Variants in FLNB observed in about 807,000 individuals in gnomAD.
The protein encoded by FLNB is filamin B, also known as filamin-B.
A neutral mutation model predicts 250.6 loss-of-function variants in FLNB; 111 were observed. The ratio of observed to expected loss-of-function variants is 0.44; its 90% CI spans 0.38 to 0.52. The LOEUF is 0.52. Among genes scored for constraint, FLNB ranks in the 20% least tolerant of loss-of-function variants. The pLI is 0.00. For missense variants in FLNB, 2,869 were observed against 3,447.8 expected (o/e 0.83, Z 4.20); for synonymous variants, 1,302 against 1,372.1 (o/e 0.95, Z 1.13).
At chr3:58,096,951 G>T (rs1486676402) in intron 6 of FLNB, among the ~76,000 whole-genome samples, 1 of 152,178 alleles carries the variant, frequency 6.6e-6, no homozygotes, top group Non-Finnish European at 1.5e-5. Flanking sequence ...GAAATGATAG[G>T]GATTGAGGCC....
chr3:58,045,373 A>G (rs1001466051), intron 1 of FLNB, among the ~76,000 whole-genome samples: 30 of 152,300 alleles, frequency 2.0e-4, no homozygotes, highest in African/African-American at 7.2e-4. Flanking sequence ...AGCCTGTCCA[A>G]CCCACAGACT....
rs780463201 is a variant in FLNB at position 58,102,209 on chromosome 3, A to G, written c.1352A>G (p.Asn451Ser). The G allele has an allele frequency of 7.4e-6, 12 of 1,614,116 alleles. No homozygotes were observed. The highest frequency in any genetic ancestry group is 1.3e-5 in the African/African-American group (1 of 74,942). The change falls in exon 9 of 46, where the codon AAT (asparagine) becomes AGT (serine). Residue 451 changes from asparagine to serine, a missense_variant. Asn to Ser is a conservative substitution (Grantham distance 46, BLOSUM62 1). Transcript: ENST00000295956. ...GTCAAAACTGTGCTTGCAGCCTGCA[A>G]TCCAAATGCCTGCCGGGCCAGTGGC... The part of the protein sequence containing the change: ...PFVVQVGEAC[N>S]PNACRASGRG...
At chr3:58,166,996 C>T (rs1423136556) in intron 43 of FLNB, among the ~76,000 whole-genome samples, 1 of 151,892 alleles carries the variant, frequency 6.6e-6, no homozygotes, top group African/African-American at 2.4e-5. Context: ...GGCATGGTGG[C>T]GAGTGCCTGT....
chr3:58,133,880 C>T (rs1198433902), intron 26 of FLNB, among the ~76,000 whole-genome samples: 1 of 151,986 alleles, frequency 6.6e-6, no homozygotes, highest in Non-Finnish European at 1.5e-5. Flanking sequence ...CCATATGAAG[C>T]ATACTATAGA....
At position 58,102,246 on chromosome 3, in the gene FLNB, A is replaced by C; in HGVS notation, c.1389A>C (p.Gln463His). The C allele has an allele frequency of 1.9e-6, 3 of 1,614,222 alleles. No homozygotes were observed. In the South Asian group the frequency reaches 3.3e-5, roughly 18 times the overall value. The change falls in exon 9 of 46, where the codon CAA becomes CAC. Residue 463 changes from glutamine (Q) to histidine (H), a missense_variant. Gln to His is a conservative substitution (Grantham distance 24, BLOSUM62 0). This residue lies in a region of FLNB where 1,348 missense variants were observed against 1,466.7 expected (regional missense o/e 0.92). Coordinates refer to ENST00000295956, the MANE Select transcript of FLNB (RefSeq NM_001457.4). ...NACRASGRGL[Q>H]PKGVRIRETT... ...GCCGGGCCAGTGGCCGAGGCCTACA[A>C]CCCAAAGGCGTCCGTATCCGGGAGA...
intron 12 of FLNB, among the ~76,000 whole-genome samples, chr3:58,107,211 A>G (rs2097261123): frequency 6.6e-6 from 1 of 152,086 alleles, no homozygotes; most frequent in Non-Finnish European, 1.5e-5. Flanking sequence ...TGTATTGTTT[A>G]GTAGAGATGG....
intron 1 of FLNB, among the ~76,000 whole-genome samples, chr3:58,054,805 G>C (rs1363491207): frequency 6.6e-6 from 1 of 152,050 alleles, no homozygotes; most frequent in Non-Finnish European, 1.5e-5. Flanking sequence ...TGTGTAGGTG[G>C]GAAAACTATG....
intron 1 of FLNB, among the ~76,000 whole-genome samples, chr3:58,031,147 T>C (rs2097130294): frequency 6.6e-6 from 1 of 152,210 alleles, no homozygotes; most frequent in Non-Finnish European, 1.5e-5. Context: ...CAACTCTTTG[T>C]AGTGTTTTAT....
chr3:58,101,726 A>G (rs903205762), intron 8 of FLNB, among the ~76,000 whole-genome samples: 2 of 152,214 alleles, frequency 1.3e-5, no homozygotes, highest in Non-Finnish European at 2.9e-5. Flanking sequence ...CAGGCGGAAG[A>G]CAACAACATT....
At chr3:58,053,422 A>T (rs2097165598) in intron 1 of FLNB, among the ~76,000 whole-genome samples, 1 of 152,216 alleles carries the variant, frequency 6.6e-6, no homozygotes, top group South Asian at 2.1e-4. Context: ...ATTCATAGCC[A>T]AATCATTTTT....
At position 58,060,447 on chromosome 3, in the gene FLNB, G is replaced by C. The variant is rs147741156; in HGVS notation, c.293-16599G>C. On this transcript the variant is annotated intron_variant, in intron 1 of 45. Transcript: ENST00000295956. ...CAGCTCACTGCAACCTTCACCCCCA[G>C]GTTCAAGTGATTCTCCTGCCTCAGC... is the stretch of plus-strand genomic sequence containing the variant. Among the ~76,000 whole-genome samples the C allele has an allele frequency of 4.2e-3, 626 of 150,462 alleles. 5 individuals carry two copies. The highest frequency in any genetic ancestry group is 0.014 in the African/African-American group (589 of 40,878).
chr3:58,153,710 A>G, intron 39 of FLNB, 69 bp downstream of exon 39: 1 of 1,576,824 alleles, frequency 6.3e-7, no homozygotes, highest in Non-Finnish European at 8.7e-7. Context: ...GGGCACCCAC[A>G]TACTTTTTTG....
At chr3:58,012,792 G>A (rs141677007) in intron 1 of FLNB, among the ~76,000 whole-genome samples, 1 of 152,328 alleles carries the variant, frequency 6.6e-6, no homozygotes, top group East Asian at 1.9e-4. Context: ...GTCAGGGAAG[G>A]TATCATTGAA....
chr3:58,118,857 T>A lies in FLNB; in HGVS notation c.2746-15T>A. 1 of 1,606,272 alleles carries A rather than the reference T, an allele frequency of 6.2e-7. No homozygotes were observed. Among genetic ancestry groups the A allele is most frequent in the Non-Finnish European group, 8.5e-7 (1 of 1,172,902 alleles). On this transcript the variant is annotated splice_polypyrimidine_tract_variant and intron_variant, in intron 18 of 45. Coordinates refer to ENST00000295956, the MANE Select transcript of FLNB (RefSeq NM_001457.4). ...TGGTACCCAAAGGTAAACTGAGTTT[T>A]CTCTCTTGTTCCAGGGCAACATGCA... is the stretch of plus-strand genomic sequence containing the variant.
Position 58,086,618 on chromosome 3 carries a change from G to A in FLNB, c.787+4842G>A, listed in dbSNP as rs538115683. On this transcript the variant is annotated intron_variant, in intron 4 of 45. Transcript: ENST00000295956. ...ATTATCTTATTATATAACAGTCTAC[G>A]GCCATTTTTTCTTAAACTAAATTAT... Among the ~76,000 whole-genome samples, 47 of 151,996 alleles carry A rather than the reference G, an allele frequency of 3.1e-4. No homozygotes were observed. In the South Asian group the frequency reaches 9.1e-3, roughly 30 times the overall value.
intron 18 of FLNB, among the ~76,000 whole-genome samples, chr3:58,115,432 G>A (rs1037194884): frequency 6.6e-6 from 1 of 152,180 alleles, no homozygotes; most frequent in African/African-American, 2.4e-5. Flanking sequence ...AAAGTAAGTT[G>A]CAGATATCAG....
chr3:58,074,543 A>T (rs773994837), intron 1 of FLNB, among the ~76,000 whole-genome samples: 1 of 152,234 alleles, frequency 6.6e-6, no homozygotes, highest in Non-Finnish European at 1.5e-5. Flanking sequence ...ACAGCAACAC[A>T]TGGCAAAGGA....
intron 4 of FLNB, among the ~76,000 whole-genome samples, chr3:58,086,259 C>G (rs1028920011): frequency 2.0e-5 from 3 of 151,732 alleles, no homozygotes; most frequent in Admixed American, 1.3e-4. Flanking sequence ...CCTTGGCCCC[C>G]TCAAAGTGCT....
chr3:58,163,132 G>T, intron 42 of FLNB, 22 bp from the exon 43 acceptor site: 2 of 1,613,670 alleles, frequency 1.2e-6, no homozygotes, highest in East Asian at 2.2e-5. Context: ...ATTTCACCCT[G>T]TGCCTTTGCT....
Sources: gnomAD v4.1 joint callset for allele counts (sites outside exome capture counted in the v4.1 genomes callset) on GRCh38, gnomAD v4.1.1 for gene constraint, gnomAD v4.1.1 regional missense constraint, MANE v1.5 for transcripts, NCBI Gene and HGNC (gene_info 2026-07-23, HGNC 2026-07-21) for gene names.